DCLK2: variants seen among roughly 807,000 people sequenced by gnomAD.
DCLK2 encodes doublecortin like kinase 2.
Under a neutral mutation model 78.4 loss-of-function variants are expected in DCLK2, and 31 were observed. That is an observed-to-expected ratio of 0.40 (90% CI 0.30 to 0.53). The LOEUF is 0.53. Among genes scored for constraint, DCLK2 ranks in the 20% least tolerant of loss-of-function variants. The pLI is 0.61. For synonymous variants in DCLK2, 407 were observed against 374.9 expected (o/e 1.09, Z -0.99); for missense variants, 872 against 973.7 (o/e 0.90, Z 1.39).
intron 15 of DCLK2, among the ~76,000 whole-genome samples, chr4:150,254,250 G>T (rs1281259323): frequency 2.6e-5 from 4 of 152,228 alleles, no homozygotes; most frequent in Non-Finnish European, 5.9e-5. Flanking sequence ...TTCGCTGGGG[G>T]ATTATGCCTT....
chr4:150,204,508 C>G (rs1739699266), intron 5 of DCLK2, among the ~76,000 whole-genome samples: 1 of 152,066 alleles, frequency 6.6e-6, no homozygotes, highest in Non-Finnish European at 1.5e-5. Flanking sequence ...AAAATTTCAA[C>G]AAGTTTTATT....
At chr4:150,221,569 C>T in intron 6 of DCLK2, 108 bp from the exon 7 acceptor site, 1 of 639,420 alleles carries the variant, frequency 1.6e-6, no homozygotes, top group African/African-American at 1.9e-5. Flanking sequence ...TTTAGTTTCA[C>T]CATAGATTTA....
intron 2 of DCLK2, among the ~76,000 whole-genome samples, chr4:150,175,068 ATATATT>A: frequency 1.1e-4 from 1 of 8,698 alleles, no homozygotes; most frequent in South Asian, 6.0e-3. Flanking sequence ...ATATATTTAT[ATATATT>A]TATATATTTA....
intron 2 of DCLK2, among the ~76,000 whole-genome samples, chr4:150,113,991 C>T (rs1731882586): frequency 6.6e-6 from 1 of 152,086 alleles, no homozygotes; most frequent in Non-Finnish European, 1.5e-5. Context: ...ATTTTGATTT[C>T]AGTGTTAACT....
At chr4:150,087,477 C>CT (rs1182807539) in intron 1 of DCLK2, among the ~76,000 whole-genome samples, 4 of 152,170 alleles carry the variant, frequency 2.6e-5, no homozygotes, top group African/African-American at 9.7e-5. Flanking sequence ...CTGAAAATCA[C>CT]TGAGATGAGA....
chr4:150,195,982 T>C (rs1739002283), intron 3 of DCLK2, among the ~76,000 whole-genome samples: 2 of 152,180 alleles, frequency 1.3e-5, no homozygotes, highest in Non-Finnish European at 2.9e-5. Context: ...AACACCATTA[T>C]GTGGTAAAAT....
At chr4:150,247,785 C>A in intron 13 of DCLK2, 86 bp downstream of exon 13, 1 of 1,047,542 alleles carries the variant, frequency 9.5e-7, no homozygotes. Flanking sequence ...CTAGGTATTG[C>A]ATTCCAGAAA....
chr4:150,220,226 TAGC>T (rs1388117515), intron 5 of DCLK2, among the ~76,000 whole-genome samples: 3 of 152,200 alleles, frequency 2.0e-5, no homozygotes, highest in African/African-American at 7.2e-5. Context: ...CCTTCAACTT[TAGC>T]AGCTGAAAAT....
Position 150,222,538 on chromosome 4 carries a change from A to G in DCLK2, c.1241+753A>G, listed in dbSNP as rs72732448. Among the ~76,000 whole-genome samples the G allele has an allele frequency of 4.8e-3, 726 of 152,034 alleles. 4 individuals carry two copies. Among genetic ancestry groups the G allele is most frequent in the Non-Finnish European group, 6.0e-3 (410 of 67,978 alleles). Reference sequence around the variant, plus strand: ...AGTAGTTCAGGACATATGAGCTCTGACTCTGTTTAAGATCACAATCAGGCC... The same window carrying G: ...AGTAGTTCAGGACATATGAGCTCTGGCTCTGTTTAAGATCACAATCAGGCC... On this transcript the variant is annotated intron_variant, in intron 7 of 15. Coordinates refer to ENST00000296550, the MANE Select transcript of DCLK2 (RefSeq NM_001040260.4).
intron 2 of DCLK2, among the ~76,000 whole-genome samples, chr4:150,151,201 AT>A (rs1229932043): frequency 6.6e-6 from 1 of 152,230 alleles, no homozygotes; most frequent in East Asian, 1.9e-4. Flanking sequence ...TCCCAGCTAT[AT>A]AGGAGGGAGG....
Position 150,173,205 on chromosome 4 carries a change from G to T in DCLK2, c.757-19933G>T, listed in dbSNP as rs1736683108. The stretch of plus-strand genomic sequence containing the variant: ...GGTGGGGTGAGGGAGATGGATCTGG[G>T]CTATGGTGTGCAGCAGACCTAGTGC... On this transcript the variant is annotated intron_variant, in intron 2 of 15. Transcript: ENST00000296550. 2.0e-5 allele frequency among the ~76,000 whole-genome samples: 3 copies of T among 152,096 alleles called. No homozygotes were observed. In the South Asian group the frequency reaches 6.2e-4, roughly 32 times the overall value.
chr4:150,153,503 C>T (rs77271124), intron 2 of DCLK2, among the ~76,000 whole-genome samples: 5,167 of 152,014 alleles, frequency 0.034, 181 homozygotes, highest in East Asian at 0.12. Flanking sequence ...ACCTTGACCT[C>T]CTGGGCCCAA....
At chr4:150,158,934 G>A (rs987894021) in intron 2 of DCLK2, among the ~76,000 whole-genome samples, 27 of 152,126 alleles carry the variant, frequency 1.8e-4, no homozygotes, top group Admixed American at 1.6e-3. Flanking sequence ...GAATGAAAAT[G>A]CAGGGCTTAC....
intron 8 of DCLK2, 67 bp from the exon 9 acceptor site, chr4:150,232,270 C>T: frequency 6.4e-7 from 1 of 1,571,428 alleles, no homozygotes; most frequent in Non-Finnish European, 8.6e-7. Flanking sequence ...TTTTGCTGTC[C>T]TCCAGGCCTT....
Position 150,232,447 on chromosome 4 carries a change from A to G in DCLK2, c.1410A>G (p.Glu470=). The change falls in exon 9 of 16, where the codon GAA becomes GAG. Residue 470 remains glutamate, a synonymous_variant. Coordinates refer to ENST00000296550, the MANE Select transcript of DCLK2 (RefSeq NM_001040260.4). ...ETATELFLVM[E]LVKGGDLFDA... is the part of the protein sequence containing the mutation. Reference sequence around the variant, plus strand: ...CAACTGAGCTCTTTCTGGTGATGGAATTGGTCAAAGTAAGAGGATAGAGAG... The same window carrying G: ...CAACTGAGCTCTTTCTGGTGATGGAGTTGGTCAAAGTAAGAGGATAGAGAG... 1 of 1,613,942 alleles carries G rather than the reference A, an allele frequency of 6.2e-7. No individual in the cohort carries two copies. Among genetic ancestry groups the G allele is most frequent in the South Asian group, 1.1e-5 (1 of 91,032 alleles).
rs1388994632 is a variant in DCLK2 at position 150,249,637 on chromosome 4, G to A, written c.2026G>A (p.Ala676Thr). 1.9e-6 allele frequency: 3 copies of A among 1,613,600 alleles called. No individual in the cohort carries two copies. In the African/African-American group the frequency reaches 4.0e-5, roughly 22 times the overall value. ...TAAACTAAAACAGCACTTTAATAAT[G>A]CGCTCCCCAAACAGAACAGCACTAC... ...TGKLKQHFNN[A>T]LPKQNSTTTG... The change falls in exon 15 of 16, where the codon GCG (alanine) becomes ACG (threonine). Residue 676 changes from alanine (A) to threonine (T), a missense_variant. Around this residue, in one of 3 missense-constraint regions of DCLK2, gnomAD observed 219 missense variants for 230.1 expected, o/e 0.95. Coordinates refer to ENST00000296550, the MANE Select transcript of DCLK2 (RefSeq NM_001040260.4).
chr4:150,118,061 G>A (rs1422597875), intron 2 of DCLK2, among the ~76,000 whole-genome samples: 1 of 150,062 alleles, frequency 6.7e-6, no homozygotes, highest in Non-Finnish European at 1.5e-5. Flanking sequence ...TGGCGATGGA[G>A]CTAGGATTCA....
chr4:150,166,174 A>C (rs932476456), intron 2 of DCLK2, among the ~76,000 whole-genome samples: 1 of 152,188 alleles, frequency 6.6e-6, no homozygotes, highest in Non-Finnish European at 1.5e-5. Context: ...TTAGATATTA[A>C]TACCAACACA....
chr4:150,233,604 T>C (rs1264279504), intron 10 of DCLK2, among the ~76,000 whole-genome samples: 3 of 152,172 alleles, frequency 2.0e-5, no homozygotes, highest in African/African-American at 7.2e-5. Flanking sequence ...TCAGCTTTAC[T>C]AAAGGCATGG....
Sources: gnomAD v4.1 joint callset for allele counts (sites outside exome capture counted in the v4.1 genomes callset) on GRCh38, gnomAD v4.1.1 for gene constraint, gnomAD v4.1.1 regional missense constraint, MANE v1.5 for transcripts, NCBI Gene and HGNC (gene_info 2026-07-23, HGNC 2026-07-21) for gene names.